Variants in NSUN6 observed in about 807,000 individuals in gnomAD.
NSUN6 encodes the protein tRNA (cytosine(72)-C(5))-methyltransferase NSUN6.
Under a neutral mutation model 58.0 loss-of-function variants are expected in NSUN6, and 64 were observed. The ratio of observed to expected loss-of-function variants is 1.10; its 90% CI spans 0.90 to 1.36. NSUN6 has a LOEUF of 1.36. Ranked by LOEUF, NSUN6 falls within the 40% of genes most tolerant of loss-of-function variation. The pLI is 0.00. For missense variants in NSUN6, 701 were observed against 550.1 expected (o/e 1.27, Z -2.74); for synonymous variants, 231 against 193.9 (o/e 1.19, Z -1.59).
intron 10 of NSUN6, 38 bp from the exon 11 acceptor site, chr10:18,546,183 T>C (rs2054248529): frequency 2.2e-6 from 3 of 1,347,924 alleles, no homozygotes; most frequent in Non-Finnish European, 3.2e-6. Flanking sequence ...ATGAACATCC[T>C]GTAATTAGCA....
At chr10:18,579,490 C>T (rs1346161258) in intron 8 of NSUN6, among the ~76,000 whole-genome samples, 1 of 152,130 alleles carries the variant, frequency 6.6e-6, no homozygotes, top group Non-Finnish European at 1.5e-5. Context: ...ATTCATTAAA[C>T]GCTTTTTCAC....
At chr10:18,601,731 C>T (rs2057847549) in intron 6 of NSUN6, among the ~76,000 whole-genome samples, 1 of 151,996 alleles carries the variant, frequency 6.6e-6, no homozygotes, top group South Asian at 2.1e-4. Flanking sequence ...GCCTGTAATC[C>T]CAGGACTTCG....
At chr10:18,632,832 G>A (rs2059082894) in intron 3 of NSUN6, among the ~76,000 whole-genome samples, 1 of 152,210 alleles carries the variant, frequency 6.6e-6, no homozygotes, top group Admixed American at 6.5e-5. Flanking sequence ...TTCAACCATT[G>A]TGGAAGTCAG....
intron 3 of NSUN6, among the ~76,000 whole-genome samples, chr10:18,632,224 C>T (rs2059056734): frequency 6.6e-6 from 1 of 151,854 alleles, no homozygotes; most frequent in Non-Finnish European, 1.5e-5. Context: ...GAAACTGGAT[C>T]CCTTCCTTAC....
At position 18,556,107 on chromosome 10, in the gene NSUN6, T is replaced by C. The variant is rs189058386; in HGVS notation, c.923-4136A>G. 1.3e-3 allele frequency among the ~76,000 whole-genome samples: 189 copies of C among 145,284 alleles called. 2 individuals carry two copies. In the South Asian group the frequency reaches 0.013, roughly 10 times the overall value. On this transcript the variant is annotated intron_variant, in intron 8 of 10. Transcript: ENST00000377304. ...GAATTGAATGGAATGGAATGGAGAATAGAATGCAATTGAATGGGATGGACA... is the reference window on the plus strand; with the variant it reads ...GAATTGAATGGAATGGAATGGAGAACAGAATGCAATTGAATGGGATGGACA...
intron 3 of NSUN6, among the ~76,000 whole-genome samples, chr10:18,628,159 C>G (rs10829042): frequency 0.56 from 85,310 of 151,872 alleles, 24,495 homozygotes; most frequent in East Asian, 0.97. Flanking sequence ...ACACCTCACA[C>G]GGTCAGGTAC....
intron 3 of NSUN6, among the ~76,000 whole-genome samples, chr10:18,621,428 C>G (rs1324697674): frequency 6.6e-6 from 1 of 152,170 alleles, no homozygotes; most frequent in Non-Finnish European, 1.5e-5. Context: ...AAGGAATGGT[C>G]TTGGGGATCC....
chr10:18,650,317 C>T (rs929624439), intron 1 of NSUN6, among the ~76,000 whole-genome samples: 12 of 152,160 alleles, frequency 7.9e-5, no homozygotes, highest in Admixed American at 5.2e-4. Flanking sequence ...GAATAGACAA[C>T]AGGCTTTGCA....
intron 6 of NSUN6, among the ~76,000 whole-genome samples, chr10:18,603,468 C>CTTTTTTTTTTTTTTTTTTTTT: frequency 6.7e-6 from 1 of 149,610 alleles, no homozygotes; most frequent in Non-Finnish European, 1.5e-5. Context: ...TTTTTCTTTT[C>CTTTTTTTTTTTTTTTTTTTTT]TTTTCTTTTC....
At position 18,651,550 on chromosome 10, in the gene NSUN6, C is replaced by T; in HGVS notation, c.-347G>A. The stretch of plus-strand genomic sequence containing the variant: ...GTGAAACGGACGCAGATCAGTAAGC[C>T]AGGCTGACAGCAGCTCGGTCCCTTT... On this transcript the variant is annotated 5_prime_UTR_variant, in exon 1 of 11. Transcript: ENST00000377304. The T allele has an allele frequency of 9.9e-7, 1 of 1,009,594 alleles. No individual in the cohort carries two copies. The highest frequency in any genetic ancestry group is 1.2e-6 in the Non-Finnish European group (1 of 846,028). The allele number at this position is 1,009,594 out of a possible 1,614,324, so 62.5% of individuals were successfully genotyped here. A position where few individuals can be genotyped will look rare whatever the true frequency, so the allele number is the denominator to read the frequency against.
At chr10:18,555,310 T>C (rs1193497836) in intron 8 of NSUN6, among the ~76,000 whole-genome samples, 3 of 146,524 alleles carry the variant, frequency 2.0e-5, no homozygotes, top group Non-Finnish European at 4.5e-5. Context: ...GAGAATGGAA[T>C]AGAGTGGAAT....
chr10:18,579,335 T>TA (rs2056804257), intron 8 of NSUN6, among the ~76,000 whole-genome samples: 1 of 152,136 alleles, frequency 6.6e-6, no homozygotes, highest in Non-Finnish European at 1.5e-5. Context: ...CACATCCAGC[T>TA]AATTTTTTGT....
At chr10:18,632,263 A>G (rs2131490459) in intron 3 of NSUN6, among the ~76,000 whole-genome samples, 1 of 151,110 alleles carries the variant, frequency 6.6e-6, no homozygotes, top group South Asian at 2.1e-4. Flanking sequence ...TTCAAGATGG[A>G]TTAAAGACTT....
intron 8 of NSUN6, among the ~76,000 whole-genome samples, chr10:18,585,147 AAC>A (rs1286507688): frequency 2.6e-5 from 4 of 152,196 alleles, no homozygotes; most frequent in African/African-American, 9.6e-5. Context: ...CATCATTAAA[AAC>A]ACACACACAA....
intron 8 of NSUN6, among the ~76,000 whole-genome samples, chr10:18,573,879 G>C (rs1228101229): frequency 2.0e-5 from 3 of 152,092 alleles, no homozygotes; most frequent in Non-Finnish European, 2.9e-5. Context: ...GGCTTAGTTG[G>C]ATACTGCCAC....
At chr10:18,560,841 A>G (rs1029361547) in intron 8 of NSUN6, among the ~76,000 whole-genome samples, 2 of 150,972 alleles carry the variant, frequency 1.3e-5, no homozygotes, top group African/African-American at 4.9e-5. Context: ...ATGGAAGAGA[A>G]TGGAATGGGG....
intron 3 of NSUN6, among the ~76,000 whole-genome samples, chr10:18,638,522 G>C (rs2059290549): frequency 6.6e-6 from 1 of 152,122 alleles, no homozygotes; most frequent in Non-Finnish European, 1.5e-5. Context: ...AATGTCTGAA[G>C]TTCAGTAACT....
chr10:18,586,014 G>A lies in NSUN6; in HGVS notation c.857C>T (p.Ser286Phe), dbSNP rs747459029. ...KQNALLLGLN[S>F]IRAFCFDGTK... Reference sequence around the variant, plus strand: ...TCCATCAAAACAAAATGCCCTGATGGAATTCAGCCCTAACAATAAGGCATT... The same window carrying A: ...TCCATCAAAACAAAATGCCCTGATGAAATTCAGCCCTAACAATAAGGCATT... The change falls in exon 8 of 11, where the codon TCC (serine) becomes TTC (phenylalanine). Residue 286 changes from serine (S) to phenylalanine (F), a missense_variant. Ser to Phe is a radical substitution (Grantham distance 155). Transcript: ENST00000377304. 1 of 1,612,508 alleles carries A rather than the reference G, an allele frequency of 6.2e-7. No homozygotes were observed.
intron 6 of NSUN6, among the ~76,000 whole-genome samples, chr10:18,602,952 CA>C (rs1182622843): frequency 1.3e-5 from 2 of 152,138 alleles, no homozygotes; most frequent in African/African-American, 4.8e-5. Flanking sequence ...ATTTATTGAC[CA>C]AAATATACAA....
Sources: gnomAD v4.1 joint callset for allele counts (sites outside exome capture counted in the v4.1 genomes callset) on GRCh38, gnomAD v4.1.1 for gene constraint, MANE v1.5 for transcripts, NCBI Gene and HGNC (gene_info 2026-07-23, HGNC 2026-07-21) for gene names.